ZCCHC7: variants seen among roughly 807,000 people sequenced by gnomAD.
The protein encoded by ZCCHC7 is zinc finger CCHC domain-containing protein 7.
ZCCHC7 carries 35 observed loss-of-function variants against 52.0 expected under a neutral mutation model. The ratio of observed to expected loss-of-function variants is 0.67; its 90% confidence interval spans 0.51 to 0.89. The LOEUF is 0.89. Ranked by LOEUF, ZCCHC7 falls within the 40% of genes least tolerant of loss-of-function variation. ZCCHC7 has a pLI of 0.00. For missense variants in ZCCHC7, 574 were observed against 649.1 expected (o/e 0.88, Z 1.26); for synonymous variants, 217 against 221.5 (o/e 0.98, Z 0.18).
chr9:37,171,992 A>G (rs904395032), intron 2 of ZCCHC7, among the ~76,000 whole-genome samples: 3 of 152,212 alleles, frequency 2.0e-5, no homozygotes, highest in African/African-American at 7.2e-5. Flanking sequence ...ATTTTTTTCT[A>G]TCAAATTCAT....
At chr9:37,214,072 A>C (rs1366444232) in intron 2 of ZCCHC7, among the ~76,000 whole-genome samples, 1 of 151,588 alleles carries the variant, frequency 6.6e-6, no homozygotes, top group Non-Finnish European at 1.5e-5. Flanking sequence ...TATTTTAGAT[A>C]TTTTACAAAG....
chr9:37,256,855 G>A (rs1471876760), intron 2 of ZCCHC7, among the ~76,000 whole-genome samples: 3 of 152,136 alleles, frequency 2.0e-5, no homozygotes, highest in East Asian at 1.9e-4. Context: ...ATGGTAAAAA[G>A]CAATTGAATT....
At chr9:37,349,273 C>G in intron 6 of ZCCHC7, 84 bp from the exon 7 acceptor site, 1 of 1,383,822 alleles carries the variant, frequency 7.2e-7, no homozygotes, top group Admixed American at 1.9e-5. Context: ...TAAGGAATCC[C>G]TTACCTATAA....
Position 37,354,875 on chromosome 9 carries a change from T to G in ZCCHC7, c.1198+51T>G. On this transcript the variant is annotated intron_variant, in intron 8 of 8. Transcript: ENST00000336755. The surrounding 1 kb of genome is among the most constrained non-coding windows in gnomAD (Gnocchi z 4.0). ...TCACATTTGCAGTAGTTTCTAAATT[T>G]CTTTGTTTGTACTGTCTTTGCCTGC... 1 of 1,279,066 alleles carries G rather than the reference T, an allele frequency of 7.8e-7. No homozygotes were observed. The highest frequency in any genetic ancestry group is 1.3e-5 in the South Asian group (1 of 79,732). 79.2% of individuals were successfully genotyped at this position (1,279,066 alleles called of 1,614,324 possible). A position where few individuals can be genotyped will look rare whatever the true frequency, so the allele number is the denominator to read the frequency against.
Position 37,304,311 on chromosome 9 carries a change from CG to C in ZCCHC7, c.779del (p.Arg260GlnfsTer53). The C allele has an allele frequency of 6.2e-7, 1 of 1,612,506 alleles. No individual in the cohort carries two copies. The highest frequency in any genetic ancestry group is 1.1e-5 in the South Asian group (1 of 90,692). On this transcript the variant is annotated frameshift_variant and splice_region_variant, in exon 4 of 9. Transcript: ENST00000336755. LOFTEE classifies it high-confidence loss of function. ...GHLSKNCPLPRKVRRCFLCSR... is the reference protein window; with the variant it reads ...GHLSKNCPLPXKVRRCFLCSR... ...TTTATCAAAAAACTGCCCCTTACCA[CG>C]AGTACGTGAAATATGCTTTGCTTCT...
chr9:37,164,377 G>A (rs111305626), intron 2 of ZCCHC7, among the ~76,000 whole-genome samples: 227 of 151,036 alleles, frequency 1.5e-3, no homozygotes, highest in Admixed American at 4.4e-3. Flanking sequence ...CCCAGGAGGC[G>A]GAAGTTGCAG....
Position 37,302,304 on chromosome 9 carries a change from G to T in ZCCHC7, c.654+73G>T, listed in dbSNP as rs548192982. ...TCATAGTTTATTATGATAACTTTTG[G>T]AACATTAATAAGTTTAAGTGGCTTA... On this transcript the variant is annotated intron_variant, in intron 3 of 8. Transcript: ENST00000336755. 1.5e-4 allele frequency: 195 copies of T among 1,276,924 alleles called. No homozygotes were observed. In the African/African-American group the frequency reaches 2.3e-3, roughly 15 times the overall value. The allele number at this position is 1,276,924 out of a possible 1,614,324, so 79.1% of individuals were successfully genotyped here. A position where few individuals can be genotyped will look rare whatever the true frequency, so the allele number is the denominator to read the frequency against.
chr9:37,342,700 G>C (rs1820718567), intron 6 of ZCCHC7, among the ~76,000 whole-genome samples: 1 of 152,184 alleles, frequency 6.6e-6, no homozygotes, highest in Non-Finnish European at 1.5e-5. Context: ...TTTACTGATA[G>C]GTTGTTATGT....
chr9:37,312,549 T>C (rs1829644616), intron 5 of ZCCHC7, among the ~76,000 whole-genome samples: 1 of 152,228 alleles, frequency 6.6e-6, no homozygotes, highest in South Asian at 2.1e-4. Context: ...AAGTGTGACG[T>C]AGACCTAAGA....
At chr9:37,134,631 A>G (rs1433802733) in intron 2 of ZCCHC7, among the ~76,000 whole-genome samples, 1 of 152,198 alleles carries the variant, frequency 6.6e-6, no homozygotes, top group Non-Finnish European at 1.5e-5. Flanking sequence ...CCTTCCCCTT[A>G]TGAGTAATCA....
intron 2 of ZCCHC7, among the ~76,000 whole-genome samples, chr9:37,154,392 G>A (rs923410109): frequency 6.6e-6 from 1 of 152,172 alleles, no homozygotes; most frequent in African/African-American, 2.4e-5. Context: ...GAATATCAAG[G>A]TGTCATGTAG....
intron 2 of ZCCHC7, among the ~76,000 whole-genome samples, chr9:37,161,906 AC>A (rs1821128602): frequency 6.6e-6 from 1 of 152,154 alleles, no homozygotes; most frequent in African/African-American, 2.4e-5. Context: ...GGAGGTAGAG[AC>A]GGCCAGATTA....
intron 2 of ZCCHC7, among the ~76,000 whole-genome samples, chr9:37,164,509 G>GACAAA (rs1564151857): frequency 1.9e-4 from 28 of 149,702 alleles, no homozygotes; most frequent in African/African-American, 6.4e-4. Context: ...AGACAGACAA[G>GACAAA]ATAGATAGAC....
chr9:37,284,331 A>G (rs1205005034), intron 2 of ZCCHC7: 1 of 152,250 alleles, frequency 6.6e-6, no homozygotes, highest in African/African-American at 2.4e-5. Context: ...AAAAACAGGT[A>G]GAAACTGTTT....
intron 2 of ZCCHC7, among the ~76,000 whole-genome samples, chr9:37,165,031 T>C (rs1821343371): frequency 6.6e-6 from 1 of 152,252 alleles, no homozygotes; most frequent in African/African-American, 2.4e-5. Flanking sequence ...GGTCTTCTTT[T>C]ATTTCTGTCA....
At chr9:37,152,239 TTG>T (rs1324442490) in intron 2 of ZCCHC7, among the ~76,000 whole-genome samples, 2 of 3,748 alleles carry the variant, frequency 5.3e-4, no homozygotes, top group East Asian at 0.032. Flanking sequence ...TTGCTGTTTT[TTG>T]TTTTTTTTTT....
intron 2 of ZCCHC7, among the ~76,000 whole-genome samples, chr9:37,192,842 T>G (rs1227260794): frequency 6.6e-6 from 1 of 151,952 alleles, no homozygotes; most frequent in Admixed American, 6.5e-5. Flanking sequence ...TTACACAAAA[T>G]GTAAACTTCA....
intron 2 of ZCCHC7, among the ~76,000 whole-genome samples, chr9:37,298,448 T>TA (rs1269661379): frequency 1.3e-5 from 2 of 152,266 alleles, no homozygotes; most frequent in Middle Eastern, 3.4e-3. Context: ...TGCTTGATTA[T>TA]AAAAAAATGA....
intron 2 of ZCCHC7, among the ~76,000 whole-genome samples, chr9:37,171,052 T>C (rs1369390275): frequency 6.6e-6 from 1 of 152,188 alleles, no homozygotes; most frequent in East Asian, 1.9e-4. Flanking sequence ...GTTGAAGCAA[T>C]TGTAATAGTA....
Sources: gnomAD v4.1 joint callset for allele counts (sites outside exome capture counted in the v4.1 genomes callset) on GRCh38, gnomAD v4.1.1 for gene constraint, Gnocchi (gnomAD v3.1) non-coding constraint, MANE v1.5 for transcripts, NCBI Gene and HGNC (gene_info 2026-07-23, HGNC 2026-07-21) for gene names.